Variants in FAM227A observed in about 807,000 individuals in gnomAD.
FAM227A encodes family with sequence similarity 227 member A, also known as protein FAM227A.
Under a neutral mutation model 74.7 loss-of-function variants are expected in FAM227A, and 80 were observed. The observed-to-expected ratio is 1.07, with a 90% CI of 0.89 to 1.29. The LOEUF (loss-of-function observed/expected upper bound fraction) is 1.29. Among genes scored for constraint, FAM227A ranks in the 50% most tolerant of loss-of-function variants. The pLI, the probability that FAM227A is intolerant of heterozygous loss-of-function variation, is 0.00. For synonymous variants in FAM227A, 237 were observed against 241.8 expected, an observed-to-expected ratio of 0.98 and a Z score of 0.19; for missense variants, 654 against 683.4, an observed-to-expected ratio of 0.96 and a Z score of 0.48.
At chr22:38,596,821 G>A (rs868119274) in intron 15 of FAM227A, among the ~76,000 whole-genome samples, 32 of 152,016 alleles carry the variant, frequency 2.1e-4, no homozygotes, top group African/African-American at 7.2e-4. Context: ...GGAAAAAATA[G>A]GTCTAAAAAA....
At chr22:38,597,032 A>T (rs2091059970) in intron 15 of FAM227A, among the ~76,000 whole-genome samples, 172 bp downstream of exon 15, 1 of 152,198 alleles carries the variant, frequency 6.6e-6, no homozygotes, top group South Asian at 2.1e-4. Context: ...CAACAAAAAA[A>T]GCTCTGGTCT....
intron 13 of FAM227A, among the ~76,000 whole-genome samples, chr22:38,604,489 C>T (rs187019033): frequency 6.6e-6 from 1 of 152,218 alleles, no homozygotes; most frequent in Non-Finnish European, 1.5e-5. Context: ...TATAAACTAC[C>T]ATCCACTGAG....
chr22:38,632,882 C>T (rs1281330789), intron 6 of FAM227A, among the ~76,000 whole-genome samples: 1 of 152,178 alleles, frequency 6.6e-6, no homozygotes, highest in African/African-American at 2.4e-5. Flanking sequence ...ACACTTTCAG[C>T]AGTGGGTGAG....
At chr22:38,645,495 C>A in intron 3 of FAM227A, 68 bp downstream of exon 3, 1 of 1,020,602 alleles carries the variant, frequency 9.8e-7, no homozygotes, top group Non-Finnish European at 1.5e-6. Flanking sequence ...GGCACTGCAA[C>A]ACCTTGATGA....
intron 6 of FAM227A, among the ~76,000 whole-genome samples, chr22:38,636,059 A>G (rs1299308276): frequency 6.6e-6 from 1 of 151,136 alleles, no homozygotes; most frequent in Non-Finnish European, 1.5e-5. Flanking sequence ...AAAGAAGGAA[A>G]GAAAGAAAGA....
chr22:38,591,957 T>C (rs1381645204), intron 15 of FAM227A, among the ~76,000 whole-genome samples: 1 of 151,928 alleles, frequency 6.6e-6, no homozygotes, highest in Non-Finnish European at 1.5e-5. Flanking sequence ...TTTTTTCTTT[T>C]TTTTTTTTTG....
intron 5 of FAM227A, among the ~76,000 whole-genome samples, chr22:38,638,408 T>A (rs2092047253): frequency 6.6e-6 from 1 of 152,158 alleles, no homozygotes. Flanking sequence ...GCATGGGGTG[T>A]GACTCAGAGC....
chr22:38,584,632 T>G lies in FAM227A; in HGVS notation c.*1493A>C, dbSNP rs1408191565. The G allele has an allele frequency of 1.3e-5, 2 of 151,958 alleles. No individual in the cohort carries two copies. Among genetic ancestry groups the G allele is most frequent in the South Asian group, 4.1e-4 (2 of 4,820 alleles). The allele number at this position is 151,958 out of a possible 1,614,324, so 9.4% of individuals were successfully genotyped here. A position where few individuals can be genotyped will look rare whatever the true frequency, so the allele number is the denominator to read the frequency against. Reference sequence around the variant, plus strand: ...AATTTCTTTAAAAATTAGCCAGACATGGTGGCATACCTGTAGTCCTAGCTA... The same window carrying G: ...AATTTCTTTAAAAATTAGCCAGACAGGGTGGCATACCTGTAGTCCTAGCTA... On this transcript the variant is annotated 3_prime_UTR_variant, in exon 17 of 17. Coordinates refer to ENST00000535113, the MANE Select transcript of FAM227A (RefSeq NM_001013647.2).
intron 8 of FAM227A, 129 bp downstream of exon 8, chr22:38,628,109 G>T: frequency 1.6e-6 from 1 of 629,868 alleles, no homozygotes; most frequent in Non-Finnish European, 2.8e-6. Context: ...TGCATTGCAA[G>T]TCAGTGTATG....
Position 38,599,809 on chromosome 22 carries a change from C to T in FAM227A, c.1334G>A (p.Gly445Asp). The change falls in exon 14 of 17, where the codon GGC becomes GAC. Residue 445 changes from glycine (G) to aspartate (D), a missense_variant. Gly to Asp is a moderately conservative substitution (Grantham distance 94). Coordinates refer to ENST00000535113, the MANE Select transcript of FAM227A (RefSeq NM_001013647.2). ...CCTTCTGACTATCAACACATTCTTG[C>T]CGTGCTGCTGCAGACTGGCATAGTT... ...LQNYASLQQH[G>D]KNVLIVRREK... 1 of 1,551,392 alleles carries T rather than the reference C, an allele frequency of 6.4e-7. No individual in the cohort carries two copies. The highest frequency in any genetic ancestry group is 1.2e-5 in the South Asian group (1 of 84,012).
intron 15 of FAM227A, among the ~76,000 whole-genome samples, chr22:38,593,838 G>A (rs1569188849): frequency 6.6e-6 from 1 of 152,090 alleles, no homozygotes; most frequent in Non-Finnish European, 1.5e-5. Context: ...TTACAGGTGT[G>A]CGCCACTACC....
At chr22:38,651,410 G>A (rs1357432325) in intron 1 of FAM227A, among the ~76,000 whole-genome samples, 1 of 152,140 alleles carries the variant, frequency 6.6e-6, no homozygotes, top group Non-Finnish European at 1.5e-5. Flanking sequence ...GTCTTGCTCT[G>A]TCGTCCAGAC....
At chr22:38,620,322 C>T in intron 10 of FAM227A, 31 bp from the exon 11 acceptor site, 4 of 1,488,570 alleles carry the variant, frequency 2.7e-6, no homozygotes, top group Non-Finnish European at 2.8e-6. Context: ...TTATTAATTC[C>T]TCTTGTCATG....
intron 16 of FAM227A, among the ~76,000 whole-genome samples, chr22:38,590,399 T>C (rs2090906867): frequency 6.6e-6 from 1 of 152,138 alleles, no homozygotes; most frequent in African/African-American, 2.4e-5. Context: ...CATGGCTTTT[T>C]AGGTCAGGAC....
intron 16 of FAM227A, among the ~76,000 whole-genome samples, chr22:38,586,639 C>T (rs1038054754): frequency 7.2e-5 from 11 of 152,244 alleles, no homozygotes; most frequent in African/African-American, 2.4e-4. Context: ...TAAAGGACTT[C>T]CTTTAATATT....
chr22:38,616,100 AGACTGACAG>A (rs1215715634), intron 11 of FAM227A, among the ~76,000 whole-genome samples: 1 of 152,184 alleles, frequency 6.6e-6, no homozygotes, highest in Admixed American at 6.6e-5. Flanking sequence ...GGGAAAGAGT[AGACTGACAG>A]GACAGGGAGC....
chr22:38,599,984 C>T (rs2091137544), intron 13 of FAM227A, 63 bp from the exon 14 acceptor site: 1 of 1,404,436 alleles, frequency 7.1e-7, no homozygotes, highest in Non-Finnish European at 9.5e-7. Context: ...GTATTAAGAA[C>T]CAGAAAGGCA....
intron 2 of FAM227A, among the ~76,000 whole-genome samples, chr22:38,648,295 T>G (rs1184150995): frequency 1.1e-4 from 15 of 131,702 alleles, no homozygotes; most frequent in Middle Eastern, 4.0e-3. Context: ...AGAGGCAAGG[T>G]CAACTTGATT....
intron 3 of FAM227A, among the ~76,000 whole-genome samples, chr22:38,641,816 CACG>C (rs1453094949): frequency 6.6e-6 from 1 of 152,082 alleles, no homozygotes; most frequent in Non-Finnish European, 1.5e-5. Context: ...GAAACAAATA[CACG>C]ACATTGCCAA....
Sources: allele counts gnomAD v4.1 joint callset (sites outside exome capture counted in the v4.1 genomes callset), GRCh38; gene constraint gnomAD v4.1.1; transcripts MANE v1.5; gene names NCBI Gene and HGNC (gene_info 2026-07-23, HGNC 2026-07-21).